Variants in SDK1 observed in about 807,000 individuals in gnomAD.
SDK1 encodes sidekick cell adhesion molecule 1.
SDK1 carries 157 observed loss-of-function variants against 245.5 expected under a neutral mutation model. That is an observed-to-expected ratio of 0.64 (90% CI 0.56 to 0.73). SDK1 has a LOEUF of 0.73. Ranked by LOEUF, SDK1 falls within the 30% of genes least tolerant of loss-of-function variation. The pLI, the probability that SDK1 is intolerant of heterozygous loss-of-function variation, is 0.00. For missense variants in SDK1, 3,583 were observed against 3,002.3 expected (o/e 1.19, Z -4.52); for synonymous variants, 1,647 against 1,278.5 (o/e 1.29, Z -6.15).
chr7:3,563,759 T>C (rs958846493), intron 1 of SDK1, among the ~76,000 whole-genome samples: 4 of 152,104 alleles, frequency 2.6e-5, no homozygotes, highest in Non-Finnish European at 5.9e-5. Context: ...TTTTTTAAGC[T>C]CGTTTGGAGT....
At chr7:3,479,224 C>T (rs955440061) in intron 1 of SDK1, among the ~76,000 whole-genome samples, 1 of 151,768 alleles carries the variant, frequency 6.6e-6, no homozygotes, top group Admixed American at 6.6e-5. Flanking sequence ...GAGTTCGAGA[C>T]CATCCTGGCC....
At chr7:3,464,541 A>G (rs1430605929) in intron 1 of SDK1, among the ~76,000 whole-genome samples, 1 of 152,172 alleles carries the variant, frequency 6.6e-6, no homozygotes, top group Non-Finnish European at 1.5e-5. Flanking sequence ...AAGGTATTAA[A>G]GTTAACACTT....
intron 4 of SDK1, among the ~76,000 whole-genome samples, chr7:3,792,853 G>A (rs1778846871): frequency 6.6e-6 from 1 of 152,246 alleles, no homozygotes; most frequent in South Asian, 2.1e-4. Context: ...ACCATTGATG[G>A]TTCCTGCCTA....
chr7:3,773,678 C>T (rs1347771552), intron 4 of SDK1, among the ~76,000 whole-genome samples: 3 of 152,096 alleles, frequency 2.0e-5, no homozygotes, highest in Non-Finnish European at 4.4e-5. Context: ...AGATTTCCCC[C>T]TTACCCAAAG....
chr7:4,187,013 C>A (rs1034065301), intron 35 of SDK1, among the ~76,000 whole-genome samples: 10 of 152,116 alleles, frequency 6.6e-5, no homozygotes, highest in Admixed American at 6.5e-4. Context: ...AGGAGGGGCT[C>A]AAGAGCCACA....
intron 9 of SDK1, among the ~76,000 whole-genome samples, chr7:3,964,388 T>G (rs1395115736): frequency 6.6e-6 from 1 of 152,240 alleles, no homozygotes; most frequent in East Asian, 1.9e-4. Context: ...AAAAACTCCC[T>G]TATTTTCTGG....
intron 1 of SDK1, among the ~76,000 whole-genome samples, chr7:3,516,337 G>T (rs1037907137): frequency 2.0e-5 from 3 of 151,836 alleles, no homozygotes; most frequent in Non-Finnish European, 2.9e-5. Flanking sequence ...CAAACCCCAG[G>T]AATGGCAGCT....
At chr7:3,820,334 G>C (rs938200184) in intron 4 of SDK1, among the ~76,000 whole-genome samples, 1 of 152,110 alleles carries the variant, frequency 6.6e-6, no homozygotes, top group East Asian at 1.9e-4. Flanking sequence ...ATTTTCAGTA[G>C]AGATGAGGTT....
At chr7:3,826,558 C>T (rs996258284) in intron 5 of SDK1, among the ~76,000 whole-genome samples, 1 of 152,158 alleles carries the variant, frequency 6.6e-6, no homozygotes, top group South Asian at 2.1e-4. Context: ...GAAATGCCGT[C>T]GTCTTCAGTT....
At position 4,256,851 on chromosome 7, in the gene SDK1, C is replaced by T. The variant is rs142797825; in HGVS notation, c.6382-8273C>T. The stretch of plus-strand genomic sequence containing the variant: ...AGATTTCACTAAGAAAACAGTGAGG[C>T]CATCCTTTTATCCCCCAGGACATTT... On this transcript the variant is annotated intron_variant, in intron 44 of 44. Transcript: ENST00000404826. Among the ~76,000 whole-genome samples, 58 of 152,268 alleles carry T rather than the reference C, an allele frequency of 3.8e-4. No homozygotes were observed. In the South Asian group the frequency reaches 8.9e-3, roughly 23 times the overall value.
In SDK1 at chr7:4,202,743, A is replaced by G. The variant is rs183209246; in HGVS notation, c.5099-3136A>G. The stretch of plus-strand genomic sequence containing the variant: ...AGCCTCCACTCCTCCACCAAATGCC[A>G]CGTAGAACCGTTTTGTTTTGTTTTT... On this transcript the variant is annotated intron_variant, in intron 35 of 44. Transcript: ENST00000404826. Among the ~76,000 whole-genome samples, 19 of 152,126 alleles carry G rather than the reference A, an allele frequency of 1.2e-4. No individual in the cohort carries two copies. The East Asian group carries it at 3.5e-3, about 28-fold the overall frequency.
At chr7:3,683,445 T>C (rs1040729267) in intron 4 of SDK1, among the ~76,000 whole-genome samples, 1 of 152,234 alleles carries the variant, frequency 6.6e-6, no homozygotes, top group East Asian at 1.9e-4. Context: ...GTGAGAATAC[T>C]CATCAGAGGT....
At chr7:3,604,159 C>G (rs544326081) in intron 1 of SDK1, among the ~76,000 whole-genome samples, 1 of 152,232 alleles carries the variant, frequency 6.6e-6, no homozygotes, top group African/African-American at 2.4e-5. Flanking sequence ...TTGGTTGTGT[C>G]TCTGCCAGGC....
intron 5 of SDK1, among the ~76,000 whole-genome samples, chr7:3,893,531 G>A (rs944450945): frequency 4.0e-5 from 6 of 151,814 alleles, no homozygotes; most frequent in South Asian, 2.1e-4. Flanking sequence ...GGGTCATCCC[G>A]TATTTCTTCA....
chr7:3,761,469 G>C (rs1050717928), intron 4 of SDK1, among the ~76,000 whole-genome samples: 1 of 151,130 alleles, frequency 6.6e-6, no homozygotes, highest in African/African-American at 2.4e-5. Context: ...CAGGAGAATG[G>C]CCTGAACCCG....
intron 22 of SDK1, among the ~76,000 whole-genome samples, chr7:4,086,488 C>T (rs1176026884): frequency 6.6e-6 from 1 of 152,130 alleles, no homozygotes; most frequent in Non-Finnish European, 1.5e-5. Context: ...GGACTGAGGT[C>T]CCCATACTGT....
At chr7:3,750,755 C>T (rs539786574) in intron 4 of SDK1, among the ~76,000 whole-genome samples, 1 of 152,170 alleles carries the variant, frequency 6.6e-6, no homozygotes, top group African/African-American at 2.4e-5. Context: ...TTTGGCCATG[C>T]AAAGAATCTT....
chr7:4,166,535 A>G (rs956851736), intron 32 of SDK1, among the ~76,000 whole-genome samples: 1 of 152,228 alleles, frequency 6.6e-6, no homozygotes, highest in Non-Finnish European at 1.5e-5. Flanking sequence ...GGGTGACGTC[A>G]CTGGTGTTTG....
intron 28 of SDK1, among the ~76,000 whole-genome samples, 160 bp from the exon 29 acceptor site, chr7:4,145,562 C>T (rs950255514): frequency 6.6e-6 from 1 of 152,140 alleles, no homozygotes; most frequent in Non-Finnish European, 1.5e-5. Context: ...CACCATTCAT[C>T]ACAGCCATGA....
Sources: allele counts gnomAD v4.1 joint callset (sites outside exome capture counted in the v4.1 genomes callset), GRCh38; gene constraint gnomAD v4.1.1; transcripts MANE v1.5; gene names NCBI Gene and HGNC (gene_info 2026-07-23, HGNC 2026-07-21).